Variants in SLC16A12 observed in about 807,000 individuals in gnomAD.
SLC16A12 encodes monocarboxylate transporter 12.
Under a neutral mutation model 42.4 loss-of-function variants are expected in SLC16A12, and 17 were observed. That is an observed-to-expected ratio of 0.40 (90% confidence interval 0.27 to 0.60). SLC16A12 has a LOEUF of 0.60. Among genes scored for constraint, SLC16A12 ranks in the 20% least tolerant of loss-of-function variants. The pLI is 0.42. For missense variants in SLC16A12, 544 were observed against 623.0 expected (o/e 0.87, Z 1.35); for synonymous variants, 224 against 229.4 (o/e 0.98, Z 0.21).
In SLC16A12 at chr10:89,551,420, G is replaced by A. The variant is rs976486192; in HGVS notation, c.-47+4462C>T. Among the ~76,000 whole-genome samples the A allele has an allele frequency of 2.4e-4, 37 of 152,082 alleles. 1 individual carries two copies. The highest frequency in any genetic ancestry group is 8.9e-4 in the African/African-American group (37 of 41,416). The stretch of plus-strand genomic sequence containing the variant: ...ATCACACTACTGCACTCCAGCCTGG[G>A]CAATAGAGTGAGACCCTGTCTCTAA... On this transcript the variant is annotated intron_variant, in intron 2 of 2. Transcript: ENST00000475682.
chr10:89,472,810 A>AT (rs1423951975), intron 2 of SLC16A12, among the ~76,000 whole-genome samples: 1 of 148,434 alleles, frequency 6.7e-6, no homozygotes, highest in Non-Finnish European at 1.5e-5. Context: ...TTTCTTTTAA[A>AT]TTTTTTTCTT....
intron 3 of SLC16A12, among the ~76,000 whole-genome samples, chr10:89,458,976 G>A (rs1371571224): frequency 3.3e-5 from 5 of 152,152 alleles, no homozygotes; most frequent in East Asian, 1.9e-4. Context: ...GTGGTATGTC[G>A]GAGGAGGGGC....
chr10:89,499,134 C>T (rs1049242905), intron 2 of SLC16A12, among the ~76,000 whole-genome samples: 1 of 151,912 alleles, frequency 6.6e-6, no homozygotes, highest in Non-Finnish European at 1.5e-5. Context: ...AAGAAATCCC[C>T]GATTTACCTG....
chr10:89,530,621 G>A (rs973713141), intron 2 of SLC16A12, among the ~76,000 whole-genome samples: 64 of 152,094 alleles, frequency 4.2e-4, no homozygotes, highest in Middle Eastern at 3.4e-3. Flanking sequence ...GGGTTTCACC[G>A]TGTTAGCCAG....
intron 2 of SLC16A12, among the ~76,000 whole-genome samples, chr10:89,517,251 A>G (rs1164225243): frequency 6.6e-6 from 1 of 152,084 alleles, no homozygotes; most frequent in Non-Finnish European, 1.5e-5. Flanking sequence ...AAAACAAAAT[A>G]GTTTATTGAG....
At chr10:89,444,721 C>T (rs1841969688) in intron 3 of SLC16A12, among the ~76,000 whole-genome samples, 1 of 152,218 alleles carries the variant, frequency 6.6e-6, no homozygotes, top group East Asian at 1.9e-4. Context: ...GCATTTCCAA[C>T]TGAGGTACCT....
chr10:89,522,702 A>C (rs1487509236), intron 2 of SLC16A12, among the ~76,000 whole-genome samples: 1 of 152,180 alleles, frequency 6.6e-6, no homozygotes, highest in Admixed American at 6.5e-5. Flanking sequence ...ACAGCTTTGC[A>C]TCCTGGTTCT....
intron 2 of SLC16A12, among the ~76,000 whole-genome samples, chr10:89,493,729 C>T (rs1287328907): frequency 2.0e-5 from 3 of 152,176 alleles, no homozygotes; most frequent in Admixed American, 6.5e-5. Flanking sequence ...AGTTATACTA[C>T]CAGTGTTTTA....
intron 2 of SLC16A12, among the ~76,000 whole-genome samples, chr10:89,464,748 T>C (rs1234072994): frequency 6.6e-6 from 1 of 152,170 alleles, no homozygotes; most frequent in African/African-American, 2.4e-5. Flanking sequence ...GGCTTGTGAC[T>C]TCAGAGAGTG....
At chr10:89,493,805 G>A (rs1842883134) in intron 2 of SLC16A12, among the ~76,000 whole-genome samples, 1 of 152,150 alleles carries the variant, frequency 6.6e-6, no homozygotes. Context: ...TGGGCCAGGA[G>A]CTGTGTCAGA....
intron 2 of SLC16A12, among the ~76,000 whole-genome samples, chr10:89,542,240 CAA>C (rs1360286166): frequency 6.6e-6 from 1 of 151,380 alleles, no homozygotes; most frequent in African/African-American, 2.4e-5. Context: ...TATATGCTAA[CAA>C]ATATTATTTT....
chr10:89,462,150 G>A (rs377327706), intron 3 of SLC16A12, among the ~76,000 whole-genome samples: 1 of 152,116 alleles, frequency 6.6e-6, no homozygotes, highest in Non-Finnish European at 1.5e-5. Context: ...AGCAGTCAAC[G>A]GAAATATACA....
At chr10:89,453,480 TATC>T (rs1425453566) in intron 3 of SLC16A12, among the ~76,000 whole-genome samples, 1 of 152,214 alleles carries the variant, frequency 6.6e-6, no homozygotes, top group Non-Finnish European at 1.5e-5. Flanking sequence ...AAGATTATAA[TATC>T]ATATTTTTAC....
chr10:89,529,561 T>A (rs2133867397), intron 2 of SLC16A12, among the ~76,000 whole-genome samples: 1 of 151,324 alleles, frequency 6.6e-6, no homozygotes, highest in African/African-American at 2.4e-5. Context: ...TTTTTTTTTT[T>A]TTTTTTGAGA....
chr10:89,432,879 G>C lies in SLC16A12; in HGVS notation c.*185C>G, dbSNP rs112629946. 4 of 799,686 alleles carry C rather than the reference G, an allele frequency of 5.0e-6. No individual in the cohort carries two copies. The highest frequency in any genetic ancestry group is 7.6e-6 in the Non-Finnish European group (4 of 529,594). The allele number at this position is 799,686 out of a possible 1,614,324, so 49.5% of individuals were successfully genotyped here. The stretch of plus-strand genomic sequence containing the variant: ...CACAAATCCCAAATGAGAAGGCTCT[G>C]GGCTAGTCCAGCTTTCCTTATTATG... On this transcript the variant is annotated 3_prime_UTR_variant, in exon 8 of 8. Transcript: ENST00000371790.
intron 2 of SLC16A12, among the ~76,000 whole-genome samples, chr10:89,467,778 T>C (rs1271064238): frequency 6.6e-6 from 1 of 152,216 alleles, no homozygotes; most frequent in East Asian, 1.9e-4. Context: ...TTTTCTTAAA[T>C]AGAGATTTCA....
chr10:89,452,431 C>G (rs1842109037), intron 3 of SLC16A12, among the ~76,000 whole-genome samples: 1 of 152,114 alleles, frequency 6.6e-6, no homozygotes, highest in African/African-American at 2.4e-5. Flanking sequence ...TCAATTCATT[C>G]TAATTATTTC....
At chr10:89,501,199 G>A (rs879652336) in intron 2 of SLC16A12, among the ~76,000 whole-genome samples, 1 of 152,172 alleles carries the variant, frequency 6.6e-6, no homozygotes, top group Admixed American at 6.5e-5. Flanking sequence ...TGGATGGGTA[G>A]AATCAATATT....
At chr10:89,535,662 C>G (rs1254799672), upstream of SLC16A12, 1 of 152,272 alleles carries the variant, frequency 6.6e-6, no homozygotes, top group Non-Finnish European at 1.5e-5. Flanking sequence ...CCGCCCCCAG[C>G]CCGGCCCCGC....
Sources: gnomAD v4.1 joint callset for allele counts (sites outside exome capture counted in the v4.1 genomes callset) on GRCh38, gnomAD v4.1.1 for gene constraint, MANE v1.5 for transcripts, NCBI Gene and HGNC (gene_info 2026-07-23, HGNC 2026-07-21) for gene names.